The following ACER3 variants were observed in gnomAD, a reference collection of about 807,000 sequenced individuals.
The protein encoded by ACER3 is alkaline ceramidase 3.
In ACER3, 16 loss-of-function variants were observed where a neutral mutation model predicts 48.9. The observed-to-expected ratio is 0.33, with a 90% CI of 0.22 to 0.50. The LOEUF (loss-of-function observed/expected upper bound fraction) is 0.50. ACER3 is among the 20% of genes least tolerant of loss of function. The pLI is 0.98. For synonymous variants in ACER3, 109 were observed against 107.8 expected (o/e 1.01, Z -0.07); for missense variants, 227 against 326.0 (o/e 0.70, Z 2.34).
chr11:76,945,944 G>C (rs1169094957), intron 2 of ACER3, among the ~76,000 whole-genome samples: 1 of 152,174 alleles, frequency 6.6e-6, no homozygotes, highest in African/African-American at 2.4e-5. Flanking sequence ...TGTTTTCCCT[G>C]TGCCTCCCTC....
intron 1 of ACER3, among the ~76,000 whole-genome samples, chr11:76,924,114 T>A (rs1039483243): frequency 6.6e-6 from 1 of 152,100 alleles, no homozygotes; most frequent in Non-Finnish European, 1.5e-5. Context: ...TGCTGTGGCT[T>A]GAGTACTCCA....
chr11:76,943,586 T>A (rs1947395387), intron 2 of ACER3, among the ~76,000 whole-genome samples: 1 of 152,070 alleles, frequency 6.6e-6, no homozygotes, highest in African/African-American at 2.4e-5. Context: ...ACATGGTATA[T>A]CTTATACAGT....
intron 1 of ACER3, among the ~76,000 whole-genome samples, chr11:76,903,457 GC>G (rs1177101915): frequency 1.6e-3 from 26 of 16,750 alleles, no homozygotes; most frequent in Non-Finnish European, 3.0e-3. Flanking sequence ...CCCCCCACCC[GC>G]CCCCGGCCCA....
chr11:77,005,989 ATATTTTTTT>A (rs1164066635), intron 7 of ACER3, among the ~76,000 whole-genome samples: 5 of 93,880 alleles, frequency 5.3e-5, no homozygotes, highest in African/African-American at 1.7e-4. Flanking sequence ...ATATATATAT[ATATTTTTTT>A]TTTTTTTTGA....
chr11:77,019,571 G>C, intron 9 of ACER3, 160 bp from the exon 10 acceptor site: 1 of 646,310 alleles, frequency 1.5e-6, no homozygotes, highest in Non-Finnish European at 2.8e-6. Flanking sequence ...ATTTTGAGTA[G>C]ATGCTCAAAA....
intron 2 of ACER3, among the ~76,000 whole-genome samples, chr11:76,951,308 G>T (rs1444382977): frequency 2.6e-5 from 4 of 151,970 alleles, no homozygotes; most frequent in Non-Finnish European, 4.4e-5. Flanking sequence ...TAACTAGAAG[G>T]GTTTTTTTTA....
At chr11:76,941,085 G>C (rs76945505) in intron 2 of ACER3, among the ~76,000 whole-genome samples, 3,223 of 151,938 alleles carry the variant, frequency 0.021, 118 homozygotes, top group African/African-American at 0.074. Context: ...AAGGGGAGAA[G>C]AGAGAGGAAC....
chr11:76,959,457 G>A (rs11237034), intron 3 of ACER3, among the ~76,000 whole-genome samples: 3,234 of 152,218 alleles, frequency 0.021, 117 homozygotes, highest in African/African-American at 0.074. Context: ...CCTGTGGGCC[G>A]CATGTGACCC....
chr11:76,872,383 A>G (rs1945265343), intron 1 of ACER3, among the ~76,000 whole-genome samples: 1 of 152,132 alleles, frequency 6.6e-6, no homozygotes. Flanking sequence ...GTCTTGAAGC[A>G]GCCATTTAAT....
chr11:76,953,263 G>C (rs1007121420), intron 2 of ACER3, among the ~76,000 whole-genome samples: 1 of 152,070 alleles, frequency 6.6e-6, no homozygotes, highest in Non-Finnish European at 1.5e-5. Flanking sequence ...ACACTGCAGG[G>C]AATGAAAACA....
intron 2 of ACER3, among the ~76,000 whole-genome samples, chr11:76,932,692 G>A (rs1783086077): frequency 6.6e-6 from 1 of 152,088 alleles, no homozygotes; most frequent in Non-Finnish European, 1.5e-5. Context: ...AGAACTACGT[G>A]CAACCCACAC....
At chr11:76,999,196 C>T (rs1030135603) in intron 7 of ACER3, among the ~76,000 whole-genome samples, 1 of 151,990 alleles carries the variant, frequency 6.6e-6, no homozygotes, top group East Asian at 1.9e-4. Flanking sequence ...TTACATAGTA[C>T]CTCCAAGGAA....
rs924078159 is a variant in ACER3, at chr11:76,934,336, C to T, written c.214+7669C>T. 1.9e-4 allele frequency among the ~76,000 whole-genome samples: 29 copies of T among 152,316 alleles called. No homozygotes were observed. In the East Asian group the frequency reaches 4.8e-3, roughly 25 times the overall value. On this transcript the variant is annotated intron_variant, in intron 2 of 10. Coordinates refer to ENST00000532485, the MANE Select transcript of ACER3 (RefSeq NM_018367.7). ...CGGCACTTTGGGAGGCCAAGGCAGG[C>T]GGCTGGGAGGTGGAGGTTGTAGCCA... is the stretch of plus-strand genomic sequence containing the variant.
At chr11:76,869,593 C>G (rs1330021026) in intron 1 of ACER3, among the ~76,000 whole-genome samples, 1 of 152,146 alleles carries the variant, frequency 6.6e-6, no homozygotes, top group East Asian at 1.9e-4. Context: ...ATTTCCAGAA[C>G]TCTTCATCTT....
At chr11:76,954,673 T>C (rs1947789542) in intron 2 of ACER3, among the ~76,000 whole-genome samples, 1 of 151,672 alleles carries the variant, frequency 6.6e-6, no homozygotes. Context: ...CAATCATGGC[T>C]TACTGCAGCT....
At chr11:77,012,816 A>T (rs1555022497) in intron 7 of ACER3, among the ~76,000 whole-genome samples, 1 of 152,220 alleles carries the variant, frequency 6.6e-6, no homozygotes, top group Non-Finnish European at 1.5e-5. Flanking sequence ...GGCATGCAAA[A>T]GACTGCGAAT....
At position 76,986,713 on chromosome 11, in the gene ACER3, G is replaced by A. The variant is rs117768524; in HGVS notation, c.402+989G>A. Among the ~76,000 whole-genome samples the A allele has an allele frequency of 4.0e-4, 61 of 152,332 alleles. 1 individual carries two copies. In the East Asian group the frequency reaches 0.011, roughly 28 times the overall value. On this transcript the variant is annotated intron_variant, in intron 5 of 10. Coordinates refer to ENST00000532485, the MANE Select transcript of ACER3 (RefSeq NM_018367.7). ...AATGAGTCTAGTGAATTAGACAAAT[G>A]TCAAATTATAAATACCCCTCTATGC...
intron 2 of ACER3, among the ~76,000 whole-genome samples, chr11:76,930,567 G>A (rs7942245): frequency 0.75 from 114,463 of 151,658 alleles, 43,607 homozygotes; most frequent in African/African-American, 0.81. Flanking sequence ...TAGGGTGTCA[G>A]TTTTAGATCT....
chr11:76,964,934 C>T (rs923253154), intron 3 of ACER3, among the ~76,000 whole-genome samples: 4 of 151,272 alleles, frequency 2.6e-5, no homozygotes, highest in Admixed American at 2.0e-4. Flanking sequence ...CAGCTCCTCA[C>T]CAGCAATGGA....
Sources: allele counts gnomAD v4.1 joint callset (sites outside exome capture counted in the v4.1 genomes callset), GRCh38; gene constraint gnomAD v4.1.1; transcripts MANE v1.5; gene names NCBI Gene and HGNC (gene_info 2026-07-23, HGNC 2026-07-21).